Variants in TCF12 observed in about 807,000 individuals in gnomAD.
The protein encoded by TCF12 is DNA-binding protein HTF4.
Under a neutral mutation model 86.0 loss-of-function variants are expected in TCF12, and 45 were observed. The ratio of observed to expected loss-of-function variants is 0.52; its 90% confidence interval spans 0.41 to 0.67. The LOEUF (loss-of-function observed/expected upper bound fraction) is 0.67, where lower values mean the gene tolerates loss of function less well. TCF12 is among the 30% of genes least tolerant of loss of function. TCF12 has a pLI of 0.00. For synonymous variants in TCF12, 330 were observed against 299.6 expected, an observed-to-expected ratio of 1.10 and a Z score of -1.05; for missense variants, 881 against 859.9, an observed-to-expected ratio of 1.02 and a Z score of -0.31.
chr15:57,073,744 TTTTG>T (rs1186384060), intron 4 of TCF12, among the ~76,000 whole-genome samples: 6 of 152,270 alleles, frequency 3.9e-5, no homozygotes, highest in Non-Finnish European at 7.4e-5. Context: ...CTAGAAGTTT[TTTTG>T]TTTGTTTGTT....
At chr15:57,093,756 C>T (rs1446528097) in intron 5 of TCF12, among the ~76,000 whole-genome samples, 5 of 152,022 alleles carry the variant, frequency 3.3e-5, no homozygotes, top group African/African-American at 1.2e-4. Flanking sequence ...AATAGTCATC[C>T]ATACCCTATG....
At chr15:56,980,405 C>T (rs747669633) in intron 3 of TCF12, among the ~76,000 whole-genome samples, 5 of 152,016 alleles carry the variant, frequency 3.3e-5, no homozygotes, top group Admixed American at 2.0e-4. Context: ...TGTCCTCTGC[C>T]GTGTAAGAAT....
chr15:57,209,786 G>C (rs2058025098), intron 8 of TCF12, among the ~76,000 whole-genome samples: 1 of 152,020 alleles, frequency 6.6e-6, no homozygotes, highest in Non-Finnish European at 1.5e-5. Context: ...TGGCTTATAA[G>C]ACACCTGCCA....
At chr15:57,045,442 A>T (rs1311142285) in intron 3 of TCF12, among the ~76,000 whole-genome samples, 1 of 152,210 alleles carries the variant, frequency 6.6e-6, no homozygotes, top group Non-Finnish European at 1.5e-5. Context: ...GAGCAGTGGG[A>T]TCAGGATTGT....
At chr15:57,233,262 T>A (rs1274472755) in intron 11 of TCF12, among the ~76,000 whole-genome samples, 1 of 151,824 alleles carries the variant, frequency 6.6e-6, no homozygotes, top group Non-Finnish European at 1.5e-5. Context: ...AGCCTCAACC[T>A]CCAAGGTTGA....
intron 18 of TCF12, among the ~76,000 whole-genome samples, chr15:57,272,027 T>C (rs1490343379): frequency 6.6e-6 from 1 of 152,212 alleles, no homozygotes; most frequent in Non-Finnish European, 1.5e-5. Context: ...CATAGTTTTG[T>C]GTTTTCTAGA....
intron 3 of TCF12, among the ~76,000 whole-genome samples, chr15:57,022,928 G>A (rs1210900434): frequency 6.6e-6 from 1 of 152,148 alleles, no homozygotes; most frequent in Non-Finnish European, 1.5e-5. Flanking sequence ...TGAATTGAAA[G>A]GAGAACAGGT....
In TCF12 at chr15:57,168,188, G is replaced by A. The variant is rs140624258; in HGVS notation, c.390+1722G>A. 1.4e-4 allele frequency among the ~76,000 whole-genome samples: 22 copies of A among 152,232 alleles called. No individual in the cohort carries two copies. In the East Asian group the frequency reaches 4.0e-3, roughly 28 times the overall value. ...AAACAAGCAAAACAATGGCCATCAA[G>A]GAAGTATTTACACTGCACTGTGGAA... On this transcript the variant is annotated intron_variant, in intron 6 of 20. Transcript: ENST00000333725.
At chr15:57,274,297 A>G (rs77431520) in intron 19 of TCF12, among the ~76,000 whole-genome samples, 1 of 152,212 alleles carries the variant, frequency 6.6e-6, no homozygotes, top group Non-Finnish European at 1.5e-5. Context: ...ACTTTCAGAA[A>G]TATATACAGT....
intron 3 of TCF12, among the ~76,000 whole-genome samples, chr15:56,999,877 C>G (rs1221498944): frequency 6.6e-6 from 1 of 151,618 alleles, no homozygotes; most frequent in Non-Finnish European, 1.5e-5. Context: ...CTGTCTCAAT[C>G]AAAAAGAAGA....
intron 3 of TCF12, among the ~76,000 whole-genome samples, chr15:56,932,247 A>AT (rs1482219667): frequency 2.6e-5 from 4 of 152,220 alleles, no homozygotes. Flanking sequence ...TATTTACTTC[A>AT]TAACTCTTGT....
At chr15:56,922,992 C>G (rs1240580724) in intron 3 of TCF12, among the ~76,000 whole-genome samples, 11 of 151,956 alleles carry the variant, frequency 7.2e-5, no homozygotes, top group African/African-American at 2.7e-4. Flanking sequence ...GTAATACACT[C>G]TAATGCCTAT....
At chr15:56,924,294 A>T (rs1443576688) in intron 3 of TCF12, among the ~76,000 whole-genome samples, 1 of 152,214 alleles carries the variant, frequency 6.6e-6, no homozygotes, top group Non-Finnish European at 1.5e-5. Context: ...CTGTCACCAC[A>T]GGAATTCTTG....
Position 57,219,006 on chromosome 15 carries a change from T to G in TCF12, c.580-12146T>G, listed in dbSNP as rs1391594857. On this transcript the variant is annotated intron_variant, in intron 8 of 20. Coordinates refer to ENST00000333725, the MANE Select transcript of TCF12 (RefSeq NM_207037.2). ...TGATTCAGTGTTTCCAATTCCTGAT[T>G]ACTTGATCATGTGTTTATCAAAGTT... 28 of 1,030,986 alleles carry G rather than the reference T, an allele frequency of 2.7e-5. No homozygotes were observed. In the South Asian group the frequency reaches 1.0e-3, roughly 38 times the overall value. The allele number at this position is 1,030,986 out of a possible 1,614,324, so 63.9% of individuals were successfully genotyped here.
chr15:57,123,627 G>A (rs575323975), intron 5 of TCF12, among the ~76,000 whole-genome samples: 6 of 151,098 alleles, frequency 4.0e-5, no homozygotes, highest in South Asian at 2.1e-4. Context: ...GACTACAGGC[G>A]AGCACCACTA....
intron 3 of TCF12, among the ~76,000 whole-genome samples, chr15:57,051,727 G>A (rs1349696556): frequency 6.6e-6 from 1 of 152,014 alleles, no homozygotes; most frequent in Non-Finnish European, 1.5e-5. Flanking sequence ...ATATAGATTT[G>A]GATCTTACCC....
intron 3 of TCF12, among the ~76,000 whole-genome samples, chr15:57,048,023 T>C (rs1299724522): frequency 6.6e-6 from 1 of 152,220 alleles, no homozygotes; most frequent in African/African-American, 2.4e-5. Flanking sequence ...TACAGTATTA[T>C]AATCTTCTGG....
At chr15:57,186,859 A>C (rs1159223122) in intron 6 of TCF12, among the ~76,000 whole-genome samples, 1 of 152,136 alleles carries the variant, frequency 6.6e-6, no homozygotes, top group Non-Finnish European at 1.5e-5. Flanking sequence ...GGGGAAAAAA[A>C]CCCATATGAT....
intron 8 of TCF12, among the ~76,000 whole-genome samples, chr15:57,213,615 G>A (rs2058207943): frequency 6.6e-6 from 1 of 152,028 alleles, no homozygotes; most frequent in Non-Finnish European, 1.5e-5. Flanking sequence ...AAATAGAATA[G>A]AATATCTTGG....
Sources: allele counts gnomAD v4.1 joint callset (sites outside exome capture counted in the v4.1 genomes callset), GRCh38; gene constraint gnomAD v4.1.1; transcripts MANE v1.5; gene names NCBI Gene and HGNC (gene_info 2026-07-23, HGNC 2026-07-21).